PIK3C3: variants seen among roughly 807,000 people sequenced by gnomAD.
PIK3C3 encodes the protein phosphatidylinositol 3-kinase catalytic subunit type 3.
Under a neutral mutation model 126.1 loss-of-function variants are expected in PIK3C3, and 95 were observed. The ratio of observed to expected loss-of-function variants is 0.75; its 90% CI spans 0.64 to 0.89. The LOEUF (loss-of-function observed/expected upper bound fraction) is 0.89. Ranked by LOEUF, PIK3C3 falls within the 40% of genes least tolerant of loss-of-function variation. The pLI, the probability that PIK3C3 is intolerant of heterozygous loss-of-function variation, is 0.00. For synonymous variants in PIK3C3, 374 were observed against 360.0 expected, an observed-to-expected ratio of 1.04 and a Z score of -0.44; for missense variants, 829 against 1,063.2, an observed-to-expected ratio of 0.78 and a Z score of 3.06.
chr18:41,969,291 G>C (rs1191992704), intron 3 of PIK3C3, among the ~76,000 whole-genome samples: 1 of 152,044 alleles, frequency 6.6e-6, no homozygotes, highest in Non-Finnish European at 1.5e-5. Flanking sequence ...TGCTGTTTGA[G>C]TAGACTTTAT....
intron 24 of PIK3C3, chr18:42,070,573 G>A (rs1358412618): frequency 6.6e-6 from 1 of 152,094 alleles, no homozygotes; most frequent in Non-Finnish European, 1.5e-5. Context: ...TTATTTAGGG[G>A]AGCTAGTAAT....
intron 10 of PIK3C3, among the ~76,000 whole-genome samples, chr18:42,007,012 C>T (rs369920998): frequency 1.5e-4 from 23 of 151,920 alleles, no homozygotes; most frequent in East Asian, 5.8e-4. Flanking sequence ...TGCAGGTGCC[C>T]GCCACCACCC....
intron 4 of PIK3C3, among the ~76,000 whole-genome samples, chr18:41,981,644 AT>A (rs1237069158): frequency 5.3e-5 from 8 of 151,986 alleles, no homozygotes; most frequent in Admixed American, 5.3e-4. Context: ...ATACAACTGC[AT>A]TTTGTCTGAA....
At chr18:41,959,554 A>T (rs957496945) in intron 2 of PIK3C3, among the ~76,000 whole-genome samples, 5 of 152,020 alleles carry the variant, frequency 3.3e-5, no homozygotes, top group Non-Finnish European at 7.4e-5. Context: ...TAGGCTTTTT[A>T]AAAAAATACT....
intron 22 of PIK3C3, among the ~76,000 whole-genome samples, chr18:42,063,567 G>A (rs934904391): frequency 1.3e-5 from 2 of 152,064 alleles, no homozygotes; most frequent in African/African-American, 4.8e-5. Flanking sequence ...CAAGGTAGAA[G>A]TTTTTCATTA....
chr18:42,019,540 A>G (rs1467163810), intron 12 of PIK3C3, among the ~76,000 whole-genome samples: 1 of 152,054 alleles, frequency 6.6e-6, no homozygotes, highest in East Asian at 1.9e-4. Context: ...GTGATACTGT[A>G]TATCTCTTGT....
chr18:41,960,612 T>C (rs1041759827), intron 2 of PIK3C3, among the ~76,000 whole-genome samples: 2 of 152,112 alleles, frequency 1.3e-5, no homozygotes, highest in Non-Finnish European at 2.9e-5. Flanking sequence ...GGGGTAGGGA[T>C]GATTCGTGAA....
chr18:42,034,662 C>G (rs564795569), intron 16 of PIK3C3, among the ~76,000 whole-genome samples: 35 of 152,316 alleles, frequency 2.3e-4, no homozygotes, highest in Middle Eastern at 3.4e-3. Flanking sequence ...CAGCAGCCTT[C>G]TCTAATCATG....
intron 3 of PIK3C3, among the ~76,000 whole-genome samples, chr18:41,968,803 C>T (rs1182168970): frequency 6.6e-6 from 1 of 151,142 alleles, no homozygotes; most frequent in Non-Finnish European, 1.5e-5. Context: ...GTTAAGGAGA[C>T]AATTTTTTTT....
At chr18:42,056,440 G>A (rs1340537577) in intron 21 of PIK3C3, among the ~76,000 whole-genome samples, 1 of 152,106 alleles carries the variant, frequency 6.6e-6, no homozygotes, top group Non-Finnish European at 1.5e-5. Context: ...CGTATTAAAA[G>A]CATGGAGCTC....
At position 42,047,465 on chromosome 18, in the gene PIK3C3, A is replaced by G. The variant is rs114597160; in HGVS notation, c.2189-2066A>G. 4.7e-3 allele frequency among the ~76,000 whole-genome samples: 715 copies of G among 152,234 alleles called. 8 individuals carry two copies. The highest frequency in any genetic ancestry group is 0.017 in the African/African-American group (687 of 41,550). Reference sequence around the variant, plus strand: ...CAGTAAGTCACTTAGTTATTTTTCAATGGGGAGTCTGTAGTCATTTTTGAA... The same window carrying G: ...CAGTAAGTCACTTAGTTATTTTTCAGTGGGGAGTCTGTAGTCATTTTTGAA... On this transcript the variant is annotated intron_variant, in intron 20 of 24. Transcript: ENST00000262039.
chr18:42,061,437 G>A (rs1354452478), intron 22 of PIK3C3, among the ~76,000 whole-genome samples: 2 of 152,048 alleles, frequency 1.3e-5, no homozygotes, highest in Non-Finnish European at 2.9e-5. Flanking sequence ...ACAAAAATTA[G>A]CCTGGCATAG....
intron 4 of PIK3C3, among the ~76,000 whole-genome samples, chr18:41,973,361 C>G (rs1436182113): frequency 1.3e-5 from 2 of 151,972 alleles, no homozygotes; most frequent in Admixed American, 6.6e-5. Flanking sequence ...CTTTCCTCAC[C>G]TAAAACATGG....
chr18:42,024,236 A>G lies in PIK3C3; in HGVS notation c.1485-3207A>G, dbSNP rs866763078. On this transcript the variant is annotated intron_variant, in intron 13 of 24. Coordinates refer to ENST00000262039, the MANE Select transcript of PIK3C3 (RefSeq NM_002647.4). ...CCTGGACAATTTTGTTTGCATTCCT[A>G]CTTTAAGATGACAGCTTTCAAAGAA... Among the ~76,000 whole-genome samples, 2 of 152,126 alleles carry G rather than the reference A, an allele frequency of 1.3e-5. 1 individual carries two copies. The highest frequency in any genetic ancestry group is 4.1e-4 in the South Asian group (2 of 4,832).
At chr18:42,076,109 T>TGC (rs1371998080) in intron 24 of PIK3C3, among the ~76,000 whole-genome samples, 1 of 78,966 alleles carries the variant, frequency 1.3e-5, no homozygotes, top group African/African-American at 6.3e-5. Flanking sequence ...TATATATATA[T>TGC]ATATATATAT....
At chr18:42,053,054 TGTCCA>T (rs769732408) in intron 21 of PIK3C3, 1 of 152,218 alleles carries the variant, frequency 6.6e-6, no homozygotes, top group African/African-American at 2.4e-5. Flanking sequence ...GTTTCATCTG[TGTCCA>T]GTTCTTTGAT....
chr18:42,060,246 A>C (rs1044384887), intron 22 of PIK3C3, among the ~76,000 whole-genome samples: 2 of 152,138 alleles, frequency 1.3e-5, no homozygotes. Context: ...TTGATAATTG[A>C]TCAGTTTCTT....
Position 42,029,386 on chromosome 18 carries a change from G to A in PIK3C3, c.1652G>A (p.Arg551Gln), listed in dbSNP as rs973274639. 13 of 1,613,646 alleles carry A rather than the reference G, an allele frequency of 8.1e-6. No homozygotes were observed. The highest frequency in any genetic ancestry group is 1.1e-5 in the South Asian group (1 of 91,054). Residue 551 changes from arginine (R) to glutamine (Q), a missense_variant, in exon 15 of 25, where the codon CGG (arginine) becomes CAG (glutamine). Physicochemically the swap from Arg to Gln is conservative, Grantham distance 43. This residue lies in a region of PIK3C3 where 256 missense variants were observed against 291.0 expected (regional missense o/e 0.88). Transcript: ENST00000262039. Reference protein sequence around the residue: ...LLAAQQTFVDRLVHLMKAVQR... With the variant: ...LLAAQQTFVDQLVHLMKAVQR... ...GCTGCACAACAGACATTTGTAGATC[G>A]GTTGGTGCATCTAATGAAGGCAGTA...
intron 15 of PIK3C3, among the ~76,000 whole-genome samples, chr18:42,030,083 GCTTTACCACCTCT>G (rs1347071113): frequency 6.6e-6 from 1 of 152,068 alleles, no homozygotes; most frequent in Admixed American, 6.5e-5. Flanking sequence ...TATCCACAGT[GCTTTACCACCTCT>G]CATTTTAGAA....
Sources: gnomAD v4.1 joint callset for allele counts (sites outside exome capture counted in the v4.1 genomes callset) on GRCh38, gnomAD v4.1.1 for gene constraint, gnomAD v4.1.1 regional missense constraint, MANE v1.5 for transcripts, NCBI Gene and HGNC (gene_info 2026-07-23, HGNC 2026-07-21) for gene names.